POLE: variants seen among roughly 807,000 people sequenced by gnomAD.
POLE encodes the protein DNA polymerase epsilon, catalytic subunit, also known as DNA polymerase epsilon catalytic subunit A.
Under a neutral mutation model 279.2 loss-of-function variants are expected in POLE, and 188 were observed. The ratio of observed to expected loss-of-function variants is 0.67; its 90% CI spans 0.60 to 0.76. The LOEUF (loss-of-function observed/expected upper bound fraction) is 0.76. POLE is among the 30% of genes least tolerant of loss of function. The pLI is 0.00. For missense variants in POLE, 2,703 were observed against 3,016.7 expected (o/e 0.90, Z 2.44); for synonymous variants, 1,214 against 1,172.5 (o/e 1.04, Z -0.72).
chr12:132,634,404 G>C lies in POLE; in HGVS notation c.5812-26C>G. 1 of 1,600,696 alleles carries C rather than the reference G, an allele frequency of 6.2e-7. No individual in the cohort carries two copies. Among genetic ancestry groups the C allele is most frequent in the Non-Finnish European group, 8.5e-7 (1 of 1,170,192 alleles). On this transcript the variant is annotated intron_variant, in intron 42 of 48. Coordinates refer to ENST00000320574, the MANE Select transcript of POLE (RefSeq NM_006231.4). This position sits in a 1 kb window ranked among gnomAD's most constrained non-coding sequence, Gnocchi z 4.0. Reference sequence around the variant, plus strand: ...CTGTAACACATGAGACAACGCGGCTGTGTTTGCACCATCGCGGCCTGGTAG... The same window carrying C: ...CTGTAACACATGAGACAACGCGGCTCTGTTTGCACCATCGCGGCCTGGTAG...
rs565413729 is a variant in POLE at position 132,642,567 on chromosome 12, G to A, written c.4891C>T (p.Arg1631Cys). The A allele has an allele frequency of 8.1e-6, 13 of 1,613,530 alleles. No individual in the cohort carries two copies. The East Asian group carries it at 2.2e-4, about 28-fold the overall frequency. ...VLDWQRHGAR[R>C]MIRHYLNLDT... ...AGGTTGAGGTAGTGACGGATCATGC[G>A]CCGGGCTCCATGGCGCTGCCAGTCC... The change falls in exon 37 of 49, where the codon CGC becomes TGC. Residue 1631 changes from arginine (R) to cysteine (C), a missense_variant. By Grantham distance (180) the Arg-to-Cys change is radical. Transcript: ENST00000320574.
chr12:132,637,082 C>T (rs577983972), intron 41 of POLE, among the ~76,000 whole-genome samples: 3 of 152,356 alleles, frequency 2.0e-5, no homozygotes, highest in East Asian at 1.9e-4. Context: ...CCCAGGCACA[C>T]AGCGTGACCA....
At position 132,634,477 on chromosome 12, in the gene POLE, C is replaced by T. The variant is rs1396303780; in HGVS notation, c.5812-99G>A. ...GGCTCCTCCAACCTGGGTCCATCTG[C>T]CCCGTTTGACCAGAGGCCTTCCTCG... On this transcript the variant is annotated intron_variant, in intron 42 of 48. Transcript: ENST00000320574. The surrounding 1 kb of genome is among the most constrained non-coding windows in gnomAD (Gnocchi z 4.0). 5 of 1,160,602 alleles carry T rather than the reference C, an allele frequency of 4.3e-6. No homozygotes were observed. The highest frequency in any genetic ancestry group is 1.4e-5 in the South Asian group (1 of 69,608). 71.9% of individuals were successfully genotyped at this position (1,160,602 alleles called of 1,614,324 possible).
intron 45 of POLE, among the ~76,000 whole-genome samples, chr12:132,629,074 A>G (rs1045028587): frequency 4.6e-5 from 7 of 152,224 alleles, no homozygotes; most frequent in African/African-American, 1.7e-4. Context: ...TAAACGTTGA[A>G]AGTCGAAATT....
At position 132,675,649 on chromosome 12, in the gene POLE, A is replaced by G. The variant is rs1242003787; in HGVS notation, c.1106+86T>C. The G allele has an allele frequency of 4.5e-6, 7 of 1,568,244 alleles. No individual in the cohort carries two copies. The highest frequency in any genetic ancestry group is 2.2e-5 in the East Asian group (1 of 44,584). On this transcript the variant is annotated intron_variant, in intron 11 of 48. Coordinates refer to ENST00000320574, the MANE Select transcript of POLE (RefSeq NM_006231.4). The surrounding 1 kb of genome is among the most constrained non-coding windows in gnomAD (Gnocchi z 4.3). ...GAGTGAACCCAGGAGCCACCTCCTAAGTCGACATGGGAAGCGCCCCTGCAC... is the reference window on the plus strand; with the variant it reads ...GAGTGAACCCAGGAGCCACCTCCTAGGTCGACATGGGAAGCGCCCCTGCAC...
intron 45 of POLE, 139 bp from the exon 46 acceptor site, chr12:132,626,456 G>A (rs1182055146): frequency 2.4e-5 from 17 of 719,962 alleles, no homozygotes; most frequent in Non-Finnish European, 2.8e-5. Flanking sequence ...AGACGCCTCA[G>A]CTGACTTCTC....
chr12:132,636,441 GAAAAAAAAAAAA>G (rs60289510), intron 41 of POLE, among the ~76,000 whole-genome samples: 2 of 44,446 alleles, frequency 4.5e-5, no homozygotes, highest in Non-Finnish European at 8.0e-5. Flanking sequence ...TCCATTTAAG[GAAAAAAAAAAAA>G]AAAAAAAAAA....
chr12:132,641,282 C>A (rs569753253), intron 39 of POLE: 2 of 376,534 alleles, frequency 5.3e-6, no homozygotes, highest in South Asian at 2.1e-5. Flanking sequence ...TGCAGCAGAC[C>A]GACGGCTCCT....
Position 132,672,720 on chromosome 12 carries a change from T to A in POLE, c.1593A>T (p.Gly531=), listed in dbSNP as rs762153693. 2 of 1,614,150 alleles carry A rather than the reference T, an allele frequency of 1.2e-6. No homozygotes were observed. The highest frequency in any genetic ancestry group is 1.7e-6 in the Non-Finnish European group (2 of 1,180,024). The change falls in exon 15 of 49, where the codon GGA becomes GGT. Residue 531 remains glycine, a synonymous_variant. Transcript: ENST00000320574. ...CGTAGGTCTCAGAGTCCAGCACGTG[T>A]CCGTCGTCCGTCAGCTTATTGAACT... ...EQEFNKLTDD[G]HVLDSETYVG...
intron 6 of POLE, 104 bp downstream of exon 6, chr12:132,679,393 A>G: frequency 8.4e-7 from 1 of 1,188,708 alleles, no homozygotes; most frequent in Non-Finnish European, 1.2e-6. Context: ...TTCCGTATCA[A>G]ACAGAGCCAG....
At chr12:132,686,197 G>A (rs2043260443) in intron 1 of POLE, among the ~76,000 whole-genome samples, 1 of 151,960 alleles carries the variant, frequency 6.6e-6, no homozygotes, top group African/African-American at 2.4e-5. Context: ...TCTGCTTATG[G>A]CAGGCCAGTC....
At chr12:132,685,908 C>T (rs1209657296) in intron 1 of POLE, among the ~76,000 whole-genome samples, 1 of 150,972 alleles carries the variant, frequency 6.6e-6, no homozygotes, top group South Asian at 2.1e-4. Flanking sequence ...GAGTTTCATT[C>T]TTTGTTGCCC....
At chr12:132,665,044 T>G (rs945917157) in intron 21 of POLE, among the ~76,000 whole-genome samples, 5 of 152,040 alleles carry the variant, frequency 3.3e-5, no homozygotes, top group African/African-American at 1.2e-4. Context: ...AAATGGCAAG[T>G]CGTGTCTCCA....
Position 132,641,850 on chromosome 12 carries a change from C to G in POLE, c.5175G>C (p.Val1725=). 6.3e-7 allele frequency: 1 copy of G among 1,599,708 alleles called. No homozygotes were observed. The highest frequency in any genetic ancestry group is 8.5e-7 in the Non-Finnish European group (1 of 1,179,866). Residue 1725 remains valine, a splice_region_variant and synonymous_variant, in exon 39 of 49, where the codon GTG becomes GTC. Transcript: ENST00000320574. ...GGTTCTGAAGGTCCAGCTCCACACA[C>G]ACTGCACAGGAAGACGCCATGCTCA... ...EINSSGCYST[V]CVELDLQNLA...
chr12:132,635,968 T>C lies in POLE; in HGVS notation c.5735A>G (p.Glu1912Gly). The C allele has an allele frequency of 6.2e-7, 1 of 1,613,982 alleles. No homozygotes were observed. Among genetic ancestry groups the C allele is most frequent in the Non-Finnish European group, 8.5e-7 (1 of 1,179,870 alleles). Residue 1912 changes from glutamate (E) to glycine (G), a missense_variant, in exon 42 of 49, where the codon GAA becomes GGA. Coordinates refer to ENST00000320574, the MANE Select transcript of POLE (RefSeq NM_006231.4). ...AGATGGATCCATCCAGAGAAGAAAT[T>C]CCCAGCATCGAGAGAAAGAAATTGT... ...SLTISFSRCW[E>G]FLLWMDPSNY... is the part of the protein sequence containing the mutation.
intron 28 of POLE, 26 bp from the exon 29 acceptor site, chr12:132,657,284 G>A (rs770330613): frequency 6.2e-6 from 10 of 1,614,060 alleles, no homozygotes; most frequent in South Asian, 1.1e-5. Flanking sequence ...ACCCATCAGA[G>A]AGAGACCCTT....
In POLE at chr12:132,680,077, A is replaced by G. The variant is rs765706133; in HGVS notation, c.331-31T>C. On this transcript the variant is annotated intron_variant, in intron 4 of 48. Transcript: ENST00000320574. ...CAGGATCAGAATGAAAAGGCTTTCC[A>G]TTGGTAAAATACATTTCCTTCCTTG... 1.9e-6 allele frequency: 3 copies of G among 1,599,298 alleles called. No individual in the cohort carries two copies. In the Admixed American group the frequency reaches 5.0e-5, roughly 27 times the overall value.
At chr12:132,677,116 A>C (rs1215472035) in intron 8 of POLE, among the ~76,000 whole-genome samples, 2 of 152,240 alleles carry the variant, frequency 1.3e-5, no homozygotes, top group African/African-American at 4.8e-5. Context: ...CGGAAGTCCC[A>C]GCTTTCCCTC....
At chr12:132,647,384 C>T (rs1028026042) in intron 32 of POLE, among the ~76,000 whole-genome samples, 1 of 151,662 alleles carries the variant, frequency 6.6e-6, no homozygotes, top group Non-Finnish European at 1.5e-5. Flanking sequence ...GGAATAAACC[C>T]ATTTTGCCAT....
Sources: gnomAD v4.1 joint callset for allele counts (sites outside exome capture counted in the v4.1 genomes callset) on GRCh38, gnomAD v4.1.1 for gene constraint, Gnocchi (gnomAD v3.1) non-coding constraint, MANE v1.5 for transcripts, NCBI Gene and HGNC (gene_info 2026-07-23, HGNC 2026-07-21) for gene names.